The following PSMG2 variants were observed in gnomAD, a reference collection of about 807,000 sequenced individuals.
PSMG2 encodes proteasome assembly chaperone 2.
Under a neutral mutation model 31.5 loss-of-function variants are expected in PSMG2, and 21 were observed. The observed-to-expected ratio is 0.67, with a 90% CI of 0.47 to 0.96. The LOEUF (loss-of-function observed/expected upper bound fraction) is 0.96, where lower values mean the gene tolerates loss of function less well. Among genes scored for constraint, PSMG2 ranks in the 40% least tolerant of loss-of-function variants. PSMG2 has a pLI of 0.00. For missense variants in PSMG2, 318 were observed against 321.2 expected, an observed-to-expected ratio of 0.99 and a Z score of 0.08; for synonymous variants, 120 against 110.4, an observed-to-expected ratio of 1.09 and a Z score of -0.54.
At chr18:12,688,885 C>T (rs527970941) in intron 1 of PSMG2, among the ~76,000 whole-genome samples, 1 of 152,020 alleles carries the variant, frequency 6.6e-6, no homozygotes, top group African/African-American at 2.4e-5. Flanking sequence ...GAGGCCGAGG[C>T]GGGCGGGTCA....
At chr18:12,662,308 T>C (rs570814283) in intron 1 of PSMG2, 7 of 365,406 alleles carry the variant, frequency 1.9e-5, no homozygotes, top group South Asian at 1.3e-4. Flanking sequence ...TCTTCAGTTA[T>C]ACAACTTGAA....
intron 4 of PSMG2, among the ~76,000 whole-genome samples, chr18:12,719,807 T>C (rs1484692478): frequency 7.0e-6 from 1 of 143,456 alleles, no homozygotes; most frequent in Non-Finnish European, 1.5e-5. Context: ...CACTGCAACC[T>C]CTGCCTCCTG....
chr18:12,674,300 G>A (rs981455221), intron 1 of PSMG2, among the ~76,000 whole-genome samples: 2 of 152,044 alleles, frequency 1.3e-5, no homozygotes, highest in African/African-American at 4.8e-5. Context: ...AAAATAGCCA[G>A]GTATGGTGGC....
At chr18:12,705,545 AAGAGAGAGAGAGAGAGAG>A (rs142910283) in intron 1 of PSMG2, among the ~76,000 whole-genome samples, 1 of 137,774 alleles carries the variant, frequency 7.3e-6, no homozygotes, top group Non-Finnish European at 1.5e-5. Flanking sequence ...TCATGGGAAA[AAGAGAGAGAGAGAGAGAG>A]AGAGAGAGAG....
chr18:12,659,544 C>T (rs112586609), intron 1 of PSMG2, among the ~76,000 whole-genome samples: 5 of 152,220 alleles, frequency 3.3e-5, no homozygotes, highest in African/African-American at 1.2e-4. Context: ...GTGACGCACG[C>T]TTGTAATCCC....
Position 12,695,243 on chromosome 18 carries a change from T to C in PSMG2, c.-36-11307T>C, listed in dbSNP as rs141231028. ...AAACACACAAAAAAAGAGAAACTCA[T>C]AAGTATTTACCTGTGTGTTCACTAC... On this transcript the variant is annotated intron_variant, in intron 1 of 6. Coordinates refer to the PSMG2 transcript ENST00000585331. 6.7e-5 allele frequency: 83 copies of C among 1,242,878 alleles called. 1 individual carries two copies. In the African/African-American group the frequency reaches 9.3e-4, roughly 14 times the overall value. The allele number at this position is 1,242,878 out of a possible 1,614,324, so 77.0% of individuals were successfully genotyped here. A position where few individuals can be genotyped will look rare whatever the true frequency, so the allele number is the denominator to read the frequency against.
intron 1 of PSMG2, among the ~76,000 whole-genome samples, chr18:12,675,762 A>G (rs1408734718): frequency 2.6e-5 from 4 of 151,510 alleles, no homozygotes; most frequent in African/African-American, 9.7e-5. Flanking sequence ...TCTGCCTCCC[A>G]GGTTCAAGCG....
At chr18:12,708,898 G>A (rs1475177407) in intron 2 of PSMG2, among the ~76,000 whole-genome samples, 1 of 151,182 alleles carries the variant, frequency 6.6e-6, no homozygotes, top group African/African-American at 2.4e-5. Flanking sequence ...TTTTAGTAAA[G>A]ATGGGGTTTC....
chr18:12,714,937 T>C (rs1730070175), intron 3 of PSMG2, among the ~76,000 whole-genome samples: 1 of 151,200 alleles, frequency 6.6e-6, no homozygotes, highest in Non-Finnish European at 1.5e-5. Context: ...ACTCCTGACC[T>C]CAGGTGATCC....
chr18:12,696,104 T>C (rs2039947158), intron 1 of PSMG2, among the ~76,000 whole-genome samples: 1 of 152,216 alleles, frequency 6.6e-6, no homozygotes, highest in Non-Finnish European at 1.5e-5. Flanking sequence ...AGGCCTATTT[T>C]TGAAGACAAA....
chr18:12,687,453 A>AG (rs2039579053), intron 1 of PSMG2, among the ~76,000 whole-genome samples: 1 of 151,108 alleles, frequency 6.6e-6, no homozygotes, highest in Non-Finnish European at 1.5e-5. Context: ...AGAAGGCATC[A>AG]ATTTTTTTTT....
At chr18:12,701,929 G>T (rs1217622338), upstream of PSMG2, among the ~76,000 whole-genome samples, 1 of 152,080 alleles carries the variant, frequency 6.6e-6, no homozygotes, top group Non-Finnish European at 1.5e-5. Context: ...AGGAGTTCGG[G>T]ACCAGCCACA....
rs1435794049 is a variant in PSMG2, at chr18:12,670,767, C to G, written c.-37+11994C>G. On this transcript the variant is annotated intron_variant, in intron 1 of 6. Coordinates refer to the PSMG2 transcript ENST00000585331. ...GGCTCAAGTGATTCACCCACCTCAG[C>G]CTCCCAAGCAGCTGGGACCACAGGT... 4 of 151,878 alleles carry G rather than the reference C, an allele frequency of 2.6e-5. No individual in the cohort carries two copies. The East Asian group carries it at 7.7e-4, about 29-fold the overall frequency. 9.4% of individuals were successfully genotyped at this position (151,878 alleles called of 1,614,324 possible).
Position 12,720,641 on chromosome 18 carries a change from G to T in PSMG2, c.539G>T (p.Arg180Leu). 2 of 1,613,216 alleles carry T rather than the reference G, an allele frequency of 1.2e-6. No homozygotes were observed. Among genetic ancestry groups the T allele is most frequent in the South Asian group, 1.1e-5 (1 of 90,876 alleles). The change falls in exon 5 of 7, where the codon CGC becomes CTC. Residue 180 changes from arginine to leucine, a missense_variant. Coordinates refer to ENST00000317615, the MANE Select transcript of PSMG2 (RefSeq NM_020232.5). ...PEIDDSEFCI[R>L]IPGGGITKTL... ...ATAGATGATTCCGAGTTTTGTATCC[G>T]CATTCCGGGAGGAGGTATCACAAAA...
chr18:12,686,099 A>G (rs1052798284), intron 1 of PSMG2: 1 of 500,834 alleles, frequency 2.0e-6, no homozygotes, highest in Non-Finnish European at 3.5e-6. Context: ...TACTTTTGTA[A>G]GTATTTTTGA....
intron 1 of PSMG2, among the ~76,000 whole-genome samples, chr18:12,690,102 C>T (rs9945801): frequency 0.39 from 59,554 of 152,022 alleles, 12,075 homozygotes; most frequent in Non-Finnish European, 0.45. Context: ...AAGCCAGTTA[C>T]ATTTTGATTG....
chr18:12,669,739 G>A (rs1053269384), intron 1 of PSMG2, among the ~76,000 whole-genome samples: 4 of 152,136 alleles, frequency 2.6e-5, no homozygotes, highest in East Asian at 3.9e-4. Flanking sequence ...GGTGGCTCAC[G>A]CCTGTAATCC....
rs780579119 is a variant in PSMG2 at position 12,703,129 on chromosome 18, T to G, written c.22T>G (p.Ser8Ala). The stretch of plus-strand genomic sequence containing the variant: ...GACCATGTTCGTTCCCTGCGGGGAG[T>G]CGGCCCCCGACCTTGCCGGCTTCAC... MFVPCGE[S>A]APDLAGFTLL... Residue 8 changes from serine to alanine, a missense_variant, in exon 1 of 7, where the codon TCG becomes GCG. Ser to Ala is a moderately conservative substitution (Grantham distance 99, BLOSUM62 1). Coordinates refer to ENST00000317615, the MANE Select transcript of PSMG2 (RefSeq NM_020232.5). 2 of 1,611,962 alleles carry G rather than the reference T, an allele frequency of 1.2e-6. No homozygotes were observed.
At chr18:12,678,097 A>C in intron 1 of PSMG2, 1 of 1,589,982 alleles carries the variant, frequency 6.3e-7, no homozygotes, top group Non-Finnish European at 8.6e-7. Context: ...CAACTATTTC[A>C]GTGTGAATTA....
Sources: gnomAD v4.1 joint callset for allele counts (sites outside exome capture counted in the v4.1 genomes callset) on GRCh38, gnomAD v4.1.1 for gene constraint, MANE v1.5 for transcripts, NCBI Gene and HGNC (gene_info 2026-07-23, HGNC 2026-07-21) for gene names.